The following KHDRBS2 variants were observed in gnomAD, a reference collection of about 807,000 sequenced individuals.
KHDRBS2 encodes the protein KH domain-containing, RNA-binding, signal transduction-associated protein 2.
Under a neutral mutation model 44.3 loss-of-function variants are expected in KHDRBS2, and 26 were observed. The observed-to-expected ratio is 0.59, with a 90% confidence interval of 0.43 to 0.81. KHDRBS2 has a LOEUF of 0.81. Ranked by LOEUF, KHDRBS2 falls within the 40% of genes least tolerant of loss-of-function variation. The pLI is 0.00. For synonymous variants in KHDRBS2, 194 were observed against 151.1 expected (o/e 1.28, Z -2.08); for missense variants, 476 against 433.1 (o/e 1.10, Z -0.88).
intron 6 of KHDRBS2, among the ~76,000 whole-genome samples, chr6:61,885,989 A>G (rs1307027028): frequency 1.3e-5 from 2 of 152,008 alleles, no homozygotes; most frequent in Non-Finnish European, 2.9e-5. Context: ...TATTGTTTTT[A>G]CCTTCAGCTT....
chr6:61,959,732 A>G (rs1174671925), intron 4 of KHDRBS2, among the ~76,000 whole-genome samples: 1 of 152,184 alleles, frequency 6.6e-6, no homozygotes, highest in Non-Finnish European at 1.5e-5. Context: ...GTAGAATGCA[A>G]TACGATATTA....
At chr6:61,593,891 C>A in the KHDRBS2 span, among the ~76,000 whole-genome samples, 1 of 152,068 alleles carries the variant, frequency 6.6e-6, no homozygotes, top group African/African-American at 2.4e-5. Flanking sequence ...AATCTTTCTC[C>A]AAGTCTATTG....
intron 6 of KHDRBS2, among the ~76,000 whole-genome samples, chr6:61,858,537 C>T (rs1796468768): frequency 6.6e-6 from 1 of 151,858 alleles, no homozygotes; most frequent in South Asian, 2.1e-4. Context: ...CATGTACTTA[C>T]ACTAATTTAT....
intron 2 of KHDRBS2, among the ~76,000 whole-genome samples, chr6:62,081,172 TA>T (rs1282377199): frequency 1.3e-5 from 2 of 152,068 alleles, no homozygotes; most frequent in African/African-American, 2.4e-5. Context: ...TAAGATACCT[TA>T]AAAAGGCTTA....
At chr6:61,894,476 C>T (rs1248448976) in intron 6 of KHDRBS2, among the ~76,000 whole-genome samples, 159 bp downstream of exon 6, 1 of 152,150 alleles carries the variant, frequency 6.6e-6, no homozygotes, top group East Asian at 1.9e-4. Context: ...TCTCAAAATG[C>T]TCTCATTTAA....
chr6:61,673,435 A>C, the KHDRBS2 span, among the ~76,000 whole-genome samples: 3 of 151,498 alleles, frequency 2.0e-5, no homozygotes, highest in Admixed American at 6.6e-5. Flanking sequence ...GCAATTAGGC[A>C]GGAGAAGGAA....
chr6:61,775,909 A>G (rs1454805908), intron 6 of KHDRBS2, among the ~76,000 whole-genome samples: 2 of 152,252 alleles, frequency 1.3e-5, no homozygotes, highest in Admixed American at 1.3e-4. Flanking sequence ...GGCCACAGTA[A>G]CCAAAACAGC....
At chr6:61,674,741 G>A in the KHDRBS2 span, among the ~76,000 whole-genome samples, 1 of 151,484 alleles carries the variant, frequency 6.6e-6, no homozygotes, top group Non-Finnish European at 1.5e-5. Context: ...TTAGCAACAG[G>A]CCTTTTGATA....
intron 1 of KHDRBS2, among the ~76,000 whole-genome samples, chr6:62,242,241 C>T (rs1048659442): frequency 6.6e-6 from 1 of 152,140 alleles, no homozygotes; most frequent in Non-Finnish European, 1.5e-5. Flanking sequence ...ACTTACAGAA[C>T]ATTCTATCTA....
At chr6:62,269,716 C>T (rs532230509) in intron 1 of KHDRBS2, among the ~76,000 whole-genome samples, 27 of 152,002 alleles carry the variant, frequency 1.8e-4, no homozygotes, top group Non-Finnish European at 3.5e-4. Context: ...CATATATATG[C>T]TCTAAGACCC....
chr6:62,247,991 G>A (rs142274638), intron 1 of KHDRBS2, among the ~76,000 whole-genome samples: 21 of 152,070 alleles, frequency 1.4e-4, no homozygotes, highest in Non-Finnish European at 2.4e-4. Flanking sequence ...AAAACAAGTA[G>A]AGCATTTCAA....
chr6:62,043,188 A>G (rs1174764723), intron 3 of KHDRBS2, among the ~76,000 whole-genome samples: 1 of 152,024 alleles, frequency 6.6e-6, no homozygotes, highest in East Asian at 1.9e-4. Flanking sequence ...AGCTTGTAGA[A>G]CCACTGCTTC....
At chr6:61,955,710 A>ATATG (rs576826184) in intron 4 of KHDRBS2, among the ~76,000 whole-genome samples, 24,734 of 106,606 alleles carry the variant, frequency 0.23, 4,667 homozygotes, top group East Asian at 0.32. Context: ...ATATATACAC[A>ATATG]TATGTATGTA....
Position 61,711,324 on chromosome 6 carries a change from A to G in KHDRBS2, c.894-14071T>C, listed in dbSNP as rs147247330. Reference sequence around the variant, plus strand: ...TTTCCTGAATAGTACTTGAATAAAAATGATAAATATAAGATGTGTTAGGAA... The same window carrying G: ...TTTCCTGAATAGTACTTGAATAAAAGTGATAAATATAAGATGTGTTAGGAA... On this transcript the variant is annotated intron_variant, in intron 7 of 8. Transcript: ENST00000281156. Among the ~76,000 whole-genome samples, 80 of 151,912 alleles carry G rather than the reference A, an allele frequency of 5.3e-4. 1 individual carries two copies. The East Asian group carries it at 0.014, about 26-fold the overall frequency.
intron 2 of KHDRBS2, among the ~76,000 whole-genome samples, chr6:62,065,238 A>T (rs542802716): frequency 1.4e-3 from 217 of 152,284 alleles, no homozygotes; most frequent in African/African-American, 4.6e-3. Context: ...TTCCTCAGGG[A>T]TCTAGAACTA....
intron 8 of KHDRBS2, among the ~76,000 whole-genome samples, chr6:61,689,502 C>G (rs1767163536): frequency 6.6e-6 from 1 of 151,984 alleles, no homozygotes; most frequent in Non-Finnish European, 1.5e-5. Context: ...TTTGGCCTAT[C>G]TATGGGCATC....
intron 8 of KHDRBS2, among the ~76,000 whole-genome samples, chr6:61,691,935 T>C (rs1204125): frequency 0.14 from 21,085 of 152,104 alleles, 2,033 homozygotes; most frequent in South Asian, 0.27. Flanking sequence ...ATTAATATTA[T>C]CCTCCTTGCT....
At chr6:62,132,827 C>T (rs1440238397) in intron 2 of KHDRBS2, among the ~76,000 whole-genome samples, 1 of 152,148 alleles carries the variant, frequency 6.6e-6, no homozygotes, top group Non-Finnish European at 1.5e-5. Flanking sequence ...TAAATTCCAG[C>T]ATCAAGCCCA....
At chr6:61,821,069 T>C (rs1485496968) in intron 6 of KHDRBS2, among the ~76,000 whole-genome samples, 7 of 151,998 alleles carry the variant, frequency 4.6e-5, no homozygotes, top group Non-Finnish European at 1.0e-4. Context: ...CCTGTTTGTC[T>C]ATTATTTTTT....
Sources: allele counts gnomAD v4.1 joint callset (sites outside exome capture counted in the v4.1 genomes callset), GRCh38; gene constraint gnomAD v4.1.1; transcripts MANE v1.5; gene names NCBI Gene and HGNC (gene_info 2026-07-23, HGNC 2026-07-21).